CDK14: variants seen among roughly 807,000 people sequenced by gnomAD.
CDK14 encodes the protein cyclin dependent kinase 14.
CDK14 carries 34 observed loss-of-function variants against 60.7 expected under a neutral mutation model. That is an observed-to-expected ratio of 0.56 (90% confidence interval 0.43 to 0.75). The LOEUF (loss-of-function observed/expected upper bound fraction) is 0.75, where lower values mean the gene tolerates loss of function less well. Ranked by LOEUF, CDK14 falls within the 30% of genes least tolerant of loss-of-function variation. CDK14 has a pLI of 0.00. For missense variants in CDK14, 482 were observed against 564.1 expected (o/e 0.85, Z 1.47); for synonymous variants, 197 against 203.7 (o/e 0.97, Z 0.28).
intron 2 of CDK14, among the ~76,000 whole-genome samples, chr7:90,621,107 TC>T (rs970542629): frequency 4.6e-5 from 7 of 152,180 alleles, no homozygotes; most frequent in Admixed American, 1.3e-4. Context: ...ATATGTCACA[TC>T]TACAGTGTGC....
intron 2 of CDK14, among the ~76,000 whole-genome samples, chr7:90,651,315 T>G (rs1718984869): frequency 6.6e-6 from 1 of 152,154 alleles, no homozygotes; most frequent in Non-Finnish European, 1.5e-5. Context: ...AAGATCTAAG[T>G]GGCAATTACA....
chr7:91,205,943 A>C (rs1372767393), intron 14 of CDK14, among the ~76,000 whole-genome samples: 1 of 151,936 alleles, frequency 6.6e-6, no homozygotes, highest in Non-Finnish European at 1.5e-5. Flanking sequence ...CTACAGGCAC[A>C]CACCACCACG....
intron 14 of CDK14, among the ~76,000 whole-genome samples, chr7:91,171,160 T>TGCACTCCAGCCTGGGTGACAGGGC (rs1460684682): frequency 6.6e-6 from 1 of 152,016 alleles, no homozygotes; most frequent in African/African-American, 2.4e-5. Flanking sequence ...CCATCCTCGC[T>TGCACTCCAGCCTGGGTGACAGGGC]AACACAGTGA....
intron 11 of CDK14, among the ~76,000 whole-genome samples, chr7:91,050,255 A>G (rs1031850139): frequency 1.3e-5 from 2 of 152,182 alleles, no homozygotes; most frequent in African/African-American, 4.8e-5. Flanking sequence ...CCCAGCTATT[A>G]TACTGAGAAT....
At chr7:90,818,951 A>G (rs886139839) in intron 5 of CDK14, among the ~76,000 whole-genome samples, 6 of 151,958 alleles carry the variant, frequency 3.9e-5, no homozygotes, top group African/African-American at 9.7e-5. Context: ...ATTTGCTGCC[A>G]TAATATTATA....
chr7:90,750,250 A>G (rs1008468173), intron 4 of CDK14, among the ~76,000 whole-genome samples: 4 of 152,176 alleles, frequency 2.6e-5, no homozygotes, highest in Non-Finnish European at 5.9e-5. Context: ...CTGTACAAAA[A>G]TAATTACAAA....
Position 91,078,337 on chromosome 7 carries a change from T to A in CDK14, c.1106-1095T>A, listed in dbSNP as rs571803970. ...AACAATTGTTACAGGCCAGGCGCAG[T>A]GGCTCACTTGTGTAATCCCAGCACT... On this transcript the variant is annotated intron_variant, in intron 11 of 14. Coordinates refer to ENST00000380050, the MANE Select transcript of CDK14 (RefSeq NM_001287135.2). Among the ~76,000 whole-genome samples, 80 of 152,368 alleles carry A rather than the reference T, an allele frequency of 5.3e-4. 1 individual carries two copies. The highest frequency in any genetic ancestry group is 5.0e-3 in the Admixed American group (76 of 15,308).
At chr7:91,179,005 C>G (rs540953104) in intron 14 of CDK14, among the ~76,000 whole-genome samples, 1 of 152,152 alleles carries the variant, frequency 6.6e-6, no homozygotes, top group Non-Finnish European at 1.5e-5. Context: ...GACACATGCA[C>G]ACATCTGTTT....
chr7:91,164,841 T>A (rs1562977285), intron 14 of CDK14, among the ~76,000 whole-genome samples: 3 of 152,158 alleles, frequency 2.0e-5, no homozygotes. Context: ...CAAGATAAAT[T>A]TGTAAAACAT....
At chr7:91,200,846 C>T (rs1802693154) in intron 14 of CDK14, among the ~76,000 whole-genome samples, 1 of 152,084 alleles carries the variant, frequency 6.6e-6, no homozygotes, top group Non-Finnish European at 1.5e-5. Context: ...TTGTAATTTA[C>T]CAGAACATGT....
At chr7:90,870,270 TTATA>T (rs1791327613) in intron 6 of CDK14, among the ~76,000 whole-genome samples, 1 of 152,158 alleles carries the variant, frequency 6.6e-6, no homozygotes, top group Non-Finnish European at 1.5e-5. Flanking sequence ...ATGTTCTGAC[TTATA>T]AGTGGGAGCT....
At chr7:91,021,580 T>C (rs1382416698) in intron 10 of CDK14, among the ~76,000 whole-genome samples, 3 of 152,192 alleles carry the variant, frequency 2.0e-5, no homozygotes, top group Non-Finnish European at 4.4e-5. Context: ...ACTAGAGAGA[T>C]AGAAAAAGCA....
intron 5 of CDK14, among the ~76,000 whole-genome samples, chr7:90,836,870 G>A (rs970576312): frequency 7.2e-5 from 11 of 152,112 alleles, no homozygotes; most frequent in South Asian, 4.1e-4. Context: ...TGTGACCATC[G>A]TCATATGTAC....
At chr7:91,164,403 C>T (rs190175370) in intron 14 of CDK14, among the ~76,000 whole-genome samples, 1 of 152,184 alleles carries the variant, frequency 6.6e-6, no homozygotes, top group Admixed American at 6.5e-5. Flanking sequence ...GAGCTACTAT[C>T]GTCAGCCCCA....
chr7:91,115,445 A>G (rs563490336), intron 13 of CDK14, among the ~76,000 whole-genome samples: 8 of 151,902 alleles, frequency 5.3e-5, no homozygotes, highest in Non-Finnish European at 1.0e-4. Context: ...AGTTCATCTA[A>G]CCCTAATTAC....
intron 5 of CDK14, among the ~76,000 whole-genome samples, chr7:90,830,931 T>C (rs1039424718): frequency 1.3e-5 from 2 of 152,228 alleles, no homozygotes; most frequent in African/African-American, 4.8e-5. Context: ...CATCTCCATC[T>C]GAGACCACTT....
chr7:91,024,895 C>T (rs1796532166), intron 10 of CDK14, among the ~76,000 whole-genome samples: 1 of 152,166 alleles, frequency 6.6e-6, no homozygotes, highest in East Asian at 1.9e-4. Flanking sequence ...CAGAGCTACT[C>T]CCATGAACAC....
intron 9 of CDK14, among the ~76,000 whole-genome samples, chr7:90,976,608 C>G (rs1795080438): frequency 6.6e-6 from 1 of 152,062 alleles, no homozygotes; most frequent in African/African-American, 2.4e-5. Context: ...AAGTGATTCT[C>G]CCACCTCAGC....
chr7:90,984,731 T>C (rs1795328218), intron 10 of CDK14, among the ~76,000 whole-genome samples: 2 of 152,228 alleles, frequency 1.3e-5, no homozygotes, highest in South Asian at 2.1e-4. Context: ...GTCATGTTAG[T>C]GGGCTGTACC....
Sources: gnomAD v4.1 joint callset for allele counts (sites outside exome capture counted in the v4.1 genomes callset) on GRCh38, gnomAD v4.1.1 for gene constraint, MANE v1.5 for transcripts, NCBI Gene and HGNC (gene_info 2026-07-23, HGNC 2026-07-21) for gene names.